Variants in STIL observed in about 807,000 individuals in gnomAD.
STIL encodes the protein STIL centriolar assembly protein, also known as SCL-interrupting locus protein.
In STIL, 55 loss-of-function variants were observed where a neutral mutation model predicts 110.1. That is an observed-to-expected ratio of 0.50 (90% confidence interval 0.40 to 0.63). STIL has a LOEUF of 0.63. Ranked by LOEUF, STIL falls within the 20% of genes least tolerant of loss-of-function variation. The pLI is 0.00. For missense variants in STIL, 1,358 were observed against 1,530.0 expected, an observed-to-expected ratio of 0.89 and a Z score of 1.87; for synonymous variants, 481 against 530.0, an observed-to-expected ratio of 0.91 and a Z score of 1.27.
chr1:47,265,237 C>CAAAAAAAAAAAAAAAAAAAAAAA (rs61666574), intron 14 of STIL, among the ~76,000 whole-genome samples: 1 of 51,658 alleles, frequency 1.9e-5, no homozygotes, highest in East Asian at 4.7e-4. Context: ...CTCCATCTCC[C>CAAAAAAAAAAAAAAAAAAAAAAA]AAAAAAAAAA....
intron 11 of STIL, 30 bp from the exon 12 acceptor site, chr1:47,281,239 A>AG: frequency 6.3e-7 from 1 of 1,598,776 alleles, no homozygotes; most frequent in African/African-American, 1.4e-5. Context: ...AGAAAAAAAA[A>AG]GTATTTTTTT....
intron 14 of STIL, 73 bp downstream of exon 14, chr1:47,269,562 A>T: frequency 9.2e-7 from 1 of 1,085,928 alleles, no homozygotes; most frequent in South Asian, 1.3e-5. Context: ...ACAAATATAT[A>T]CAATTATTAT....
chr1:47,314,778 T>G (rs1646237839), upstream of STIL, among the ~76,000 whole-genome samples: 1 of 151,870 alleles, frequency 6.6e-6, no homozygotes, highest in South Asian at 2.1e-4. Context: ...CAAGCTGGAG[T>G]GCGATGACGC....
rs761521542 is a variant in STIL, at chr1:47,299,910, T to C, written c.696A>G (p.Lys232=). ...LNISQVQGTY[K]YGYLTMDETR... ...TTAATGTATCTTTTACTTACCCATA[T>C]TTATAAGTCCCTTGAACTTGAGAAA... The change falls in exon 6 of 17, where the codon AAA becomes AAG. Residue 232 remains lysine, a synonymous_variant. Transcript: ENST00000371877. 1.5e-5 allele frequency: 24 copies of C among 1,613,762 alleles called. No homozygotes were observed. In the South Asian group the frequency reaches 2.5e-4, roughly 17 times the overall value.
rs1005283797 is a variant in STIL, at chr1:47,265,742, C to T, written c.2616-2626G>A. Among the ~76,000 whole-genome samples the T allele has an allele frequency of 1.2e-4, 18 of 145,492 alleles. No individual in the cohort carries two copies. In the Admixed American group the frequency reaches 1.3e-3, roughly 10 times the overall value. ...GGTGCAGTGAGCTGAGCTGAGATTG[C>T]GCCACTGCACTCCAACCTGGATGAC... On this transcript the variant is annotated intron_variant, in intron 14 of 16. Transcript: ENST00000371877.
chr1:47,280,581 A>G lies in STIL; in HGVS notation c.1877T>C (p.Val626Ala), dbSNP rs767110518. The change falls in exon 12 of 17, where the codon GTT becomes GCT. Residue 626 changes from valine (V) to alanine (A), a missense_variant. Val to Ala is a moderately conservative substitution (Grantham distance 64). Transcript: ENST00000371877. ...PLNSWQGANT[V>A]GSIQDVQSEA... ...AGACTGGACATCTTGAATGGATCCA[A>G]CTGTGTTTGCTCCTTGCCAAGAATT... is the stretch of plus-strand genomic sequence containing the variant. The G allele has an allele frequency of 6.2e-7, 1 of 1,614,266 alleles. No homozygotes were observed. The highest frequency in any genetic ancestry group is 8.5e-7 in the Non-Finnish European group (1 of 1,180,050).
At chr1:47,290,765 C>T (rs1645462665) in intron 8 of STIL, among the ~76,000 whole-genome samples, 1 of 151,710 alleles carries the variant, frequency 6.6e-6, no homozygotes, top group African/African-American at 2.4e-5. Flanking sequence ...CATGACTAGG[C>T]AGTTCCTGGA....
chr1:47,280,341 G>T lies in STIL; in HGVS notation c.2117C>A (p.Thr706Lys), dbSNP rs1297172536. 9.9e-6 allele frequency: 16 copies of T among 1,614,118 alleles called. No individual in the cohort carries two copies. The highest frequency in any genetic ancestry group is 1.4e-5 in the Non-Finnish European group (16 of 1,180,044). The change falls in exon 12 of 17, where the codon ACA (threonine) becomes AAA (lysine). Residue 706 changes from threonine (T) to lysine (K), a missense_variant. Transcript: ENST00000371877. ...NPQPCTVCMH[T>K]PKTESDNGMM... Reference sequence around the variant, plus strand: ...TCCATTATCTGACTCAGTCTTGGGTGTGTGCATGCACACTGTGCAAGGCTG... The same window carrying T: ...TCCATTATCTGACTCAGTCTTGGGTTTGTGCATGCACACTGTGCAAGGCTG...
chr1:47,274,370 C>T (rs993227246), intron 12 of STIL, among the ~76,000 whole-genome samples: 1 of 149,606 alleles, frequency 6.7e-6, no homozygotes, highest in African/African-American at 2.5e-5. Context: ...CTCGCTCTGT[C>T]GCCCAGGCTG....
At chr1:47,289,362 G>A (rs2149068761) in intron 9 of STIL, 73 bp downstream of exon 9, 1 of 1,243,902 alleles carries the variant, frequency 8.0e-7, no homozygotes, top group East Asian at 2.4e-5. Context: ...AAGGGTAAAA[G>A]CTGTTGGGTT....
At chr1:47,284,857 T>TC (rs1394391272) in intron 10 of STIL, among the ~76,000 whole-genome samples, 1 of 150,812 alleles carries the variant, frequency 6.6e-6, no homozygotes, top group African/African-American at 2.5e-5. Flanking sequence ...ACCACTGTAC[T>TC]CCAGCCTGGG....
At chr1:47,307,750 C>T (rs1004948949) in intron 2 of STIL, among the ~76,000 whole-genome samples, 2 of 152,204 alleles carry the variant, frequency 1.3e-5, no homozygotes, top group African/African-American at 4.8e-5. Flanking sequence ...AGAACAGAGC[C>T]ATATTTCTCT....
rs533307267 is a variant in STIL, at chr1:47,260,559, T to A, written c.2830-20A>T. ...TTGACCCTGACAAAAAGAAAAAAAA[T>A]TTTTTTGAAAAATCACTATTAACAA... On this transcript the variant is annotated intron_variant, in intron 15 of 16. Transcript: ENST00000371877. 1.9e-5 allele frequency: 30 copies of A among 1,612,394 alleles called. No homozygotes were observed. The highest frequency in any genetic ancestry group is 5.0e-5 in the Admixed American group (3 of 59,974).
chr1:47,273,871 C>T (rs1030149256), intron 12 of STIL, among the ~76,000 whole-genome samples: 2 of 151,992 alleles, frequency 1.3e-5, no homozygotes, highest in Non-Finnish European at 2.9e-5. Context: ...ATATAAACTG[C>T]GCTAATAGTA....
At chr1:47,278,158 A>G (rs1645043432) in intron 12 of STIL, among the ~76,000 whole-genome samples, 1 of 152,226 alleles carries the variant, frequency 6.6e-6, no homozygotes, top group Non-Finnish European at 1.5e-5. Context: ...GCACATAGGT[A>G]GTAAGATGCA....
rs151141926 is a variant in STIL at position 47,268,554 on chromosome 1, C to T, written c.2615+1081G>A. Among the ~76,000 whole-genome samples, 1,068 of 151,116 alleles carry T rather than the reference C, an allele frequency of 7.1e-3. 12 individuals carry two copies. The highest frequency in any genetic ancestry group is 0.025 in the African/African-American group (1,017 of 41,182). Reference sequence around the variant, plus strand: ...TGGATCACCTGAGGTCAGGAGTTCACGACCAGCCTGGCCAACACGGCGAAA... The same window carrying T: ...TGGATCACCTGAGGTCAGGAGTTCATGACCAGCCTGGCCAACACGGCGAAA... On this transcript the variant is annotated intron_variant, in intron 14 of 16. Transcript: ENST00000371877.
chr1:47,280,971 T>A lies in STIL; in HGVS notation c.1487A>T (p.Lys496Ile). 1 of 1,614,028 alleles carries A rather than the reference T, an allele frequency of 6.2e-7. No individual in the cohort carries two copies. The highest frequency in any genetic ancestry group is 8.5e-7 in the Non-Finnish European group (1 of 1,179,982). ...TTTGCAGTGTCTCAAAAGAGCTGGT[T>A]TATCCTGGTTTAACTGATTTGGTAT... ...RGIPNQLNQD[K>I]PALLRHCKVR... The change falls in exon 12 of 17, where the codon AAA becomes ATA. Residue 496 changes from lysine to isoleucine, a missense_variant. Lys to Ile is a moderately radical substitution (Grantham distance 102). Transcript: ENST00000371877.
chr1:47,301,237 C>T (rs573578842), intron 5 of STIL, among the ~76,000 whole-genome samples: 1 of 152,202 alleles, frequency 6.6e-6, no homozygotes, highest in African/African-American at 2.4e-5. Flanking sequence ...GCCACCATGC[C>T]CAGCCAAGCC....
At chr1:47,254,526 T>C (rs1644275018) in intron 16 of STIL, among the ~76,000 whole-genome samples, 2 of 132,398 alleles carry the variant, frequency 1.5e-5, no homozygotes, top group Admixed American at 7.1e-5. Context: ...AGGTCTAATT[T>C]GGGTTTTTTT....
Sources: gnomAD v4.1 joint callset for allele counts (sites outside exome capture counted in the v4.1 genomes callset) on GRCh38, gnomAD v4.1.1 for gene constraint, MANE v1.5 for transcripts, NCBI Gene and HGNC (gene_info 2026-07-23, HGNC 2026-07-21) for gene names.